DLG2: variants seen among roughly 807,000 people sequenced by gnomAD.
DLG2 encodes discs large MAGUK scaffold protein 2, also known as disks large homolog 2.
DLG2 carries 45 observed loss-of-function variants against 132.5 expected under a neutral mutation model. The observed-to-expected ratio is 0.34, with a 90% confidence interval of 0.27 to 0.44. The LOEUF is 0.44. Ranked by LOEUF, DLG2 falls within the 20% of genes least tolerant of loss-of-function variation. The pLI is 1.00. For missense variants in DLG2, 1,045 were observed against 1,196.9 expected (o/e 0.87, Z 1.87); for synonymous variants, 424 against 419.6 (o/e 1.01, Z -0.13).
intron 9 of DLG2, among the ~76,000 whole-genome samples, chr11:84,160,799 C>A (rs116712133): frequency 1.4e-4 from 21 of 152,246 alleles, no homozygotes; most frequent in African/African-American, 4.8e-4. Context: ...GGAATAGGAA[C>A]TTTCCTTCAT....
intron 3 of DLG2, among the ~76,000 whole-genome samples, chr11:85,435,324 G>C (rs952881415): frequency 1.3e-5 from 2 of 152,050 alleles, no homozygotes; most frequent in African/African-American, 4.8e-5. Flanking sequence ...TATCAGGCAA[G>C]AGAAATAAAT....
rs73513302 is a variant in DLG2, at chr11:83,787,178, G to C, written c.1723-386C>G. 5.1e-3 allele frequency among the ~76,000 whole-genome samples: 773 copies of C among 152,026 alleles called. 11 individuals carry two copies. Among genetic ancestry groups the C allele is most frequent in the African/African-American group, 0.018 (750 of 41,456 alleles). On this transcript the variant is annotated intron_variant, in intron 17 of 27. Coordinates refer to ENST00000376104, the MANE Select transcript of DLG2 (RefSeq NM_001142699.3). ...ATGTAATGTAAATAGACAAATATAT[G>C]CTAAAAGATTAAAACATTCAGATGA...
intron 6 of DLG2, among the ~76,000 whole-genome samples, chr11:84,703,408 A>C (rs2059410013): frequency 6.6e-6 from 1 of 151,524 alleles, no homozygotes. Flanking sequence ...CCATAGGATA[A>C]TGAAGATGAT....
At chr11:84,022,544 G>A (rs2095424388) in intron 11 of DLG2, among the ~76,000 whole-genome samples, 1 of 152,160 alleles carries the variant, frequency 6.6e-6, no homozygotes, top group African/African-American at 2.4e-5. Context: ...CTGCTAGCAG[G>A]AGAGGAAAAA....
At chr11:85,265,172 C>A (rs1036637284) in intron 4 of DLG2, among the ~76,000 whole-genome samples, 2 of 152,158 alleles carry the variant, frequency 1.3e-5, no homozygotes, top group Non-Finnish European at 2.9e-5. Flanking sequence ...GACAAATGCA[C>A]TATCTATATT....
At chr11:85,055,671 C>G (rs1030325998) in intron 6 of DLG2, among the ~76,000 whole-genome samples, 1 of 152,092 alleles carries the variant, frequency 6.6e-6, no homozygotes, top group Non-Finnish European at 1.5e-5. Context: ...TTATTTTTCT[C>G]AAAGCAATAG....
chr11:83,696,000 G>C (rs551198765), intron 18 of DLG2, among the ~76,000 whole-genome samples: 2 of 152,248 alleles, frequency 1.3e-5, no homozygotes, highest in East Asian at 3.9e-4. Context: ...CTGTCATGTG[G>C]GTCAGGGGAC....
At chr11:83,632,890 T>G in intron 19 of DLG2, 1 of 278,714 alleles carries the variant, frequency 3.6e-6, no homozygotes, top group African/African-American at 2.2e-5. Flanking sequence ...GTCCAAGGGT[T>G]TGGTCCACAT....
At chr11:85,283,577 G>A (rs1295134475) in intron 4 of DLG2, among the ~76,000 whole-genome samples, 7 of 150,986 alleles carry the variant, frequency 4.6e-5, no homozygotes, top group Admixed American at 6.6e-5. Context: ...TAGAAAAATA[G>A]ACAAAGAGCT....
At chr11:83,947,239 T>C (rs935198326) in intron 14 of DLG2, among the ~76,000 whole-genome samples, 1 of 25,946 alleles carries the variant, frequency 3.9e-5, no homozygotes, top group Non-Finnish European at 1.9e-4. Flanking sequence ...ACATTCTAGA[T>C]TTTTTTTTTA....
At chr11:83,953,057 A>G (rs989103290) in intron 14 of DLG2, among the ~76,000 whole-genome samples, 1 of 152,220 alleles carries the variant, frequency 6.6e-6, no homozygotes, top group African/African-American at 2.4e-5. Flanking sequence ...AGTTTGCCCC[A>G]TTATCTATAT....
intron 6 of DLG2, among the ~76,000 whole-genome samples, chr11:84,535,951 A>G (rs7940159): frequency 0.13 from 19,545 of 150,896 alleles, 1,517 homozygotes; most frequent in South Asian, 0.23. Flanking sequence ...ATTTTTTCAT[A>G]TACATATATA....
At chr11:84,266,119 C>A (rs2097628002) in intron 7 of DLG2, among the ~76,000 whole-genome samples, 1 of 152,116 alleles carries the variant, frequency 6.6e-6, no homozygotes, top group African/African-American at 2.4e-5. Context: ...GTCATCAAAA[C>A]ATTTTATAAT....
intron 7 of DLG2, among the ~76,000 whole-genome samples, chr11:84,501,501 C>T (rs753438583): frequency 1.2e-4 from 19 of 152,104 alleles, no homozygotes; most frequent in Middle Eastern, 3.4e-3. Flanking sequence ...GGAAGATGGA[C>T]GGTGGAGTGA....
chr11:84,331,133 G>A (rs1311319948), intron 7 of DLG2, among the ~76,000 whole-genome samples: 1 of 152,164 alleles, frequency 6.6e-6, no homozygotes, highest in Non-Finnish European at 1.5e-5. Context: ...CAAGCAAGAG[G>A]TTTGAATTTA....
intron 6 of DLG2, among the ~76,000 whole-genome samples, chr11:84,948,477 C>T (rs981787570): frequency 6.6e-6 from 1 of 152,216 alleles, no homozygotes; most frequent in African/African-American, 2.4e-5. Context: ...CAACTGAAAG[C>T]AGGGATTCTT....
intron 6 of DLG2, among the ~76,000 whole-genome samples, chr11:85,009,320 TATCAA>T (rs1426545876): frequency 2.0e-5 from 3 of 152,084 alleles, no homozygotes; most frequent in Non-Finnish European, 2.9e-5. Flanking sequence ...TCCAGTGAAA[TATCAA>T]ATCAAGAGCT....
At chr11:85,111,794 G>T in intron 5 of DLG2, 59 bp from the exon 6 acceptor site, 2 of 1,263,288 alleles carry the variant, frequency 1.6e-6, no homozygotes, top group Non-Finnish European at 2.2e-6. Context: ...ATGTATATAT[G>T]CTAGCTGACA....
intron 18 of DLG2, among the ~76,000 whole-genome samples, chr11:83,722,816 G>A (rs2062894935): frequency 1.3e-5 from 2 of 152,148 alleles, no homozygotes; most frequent in African/African-American, 2.4e-5. Flanking sequence ...GAAGCATCAG[G>A]GGCTGTGACA....
Sources: allele counts gnomAD v4.1 joint callset (sites outside exome capture counted in the v4.1 genomes callset), GRCh38; gene constraint gnomAD v4.1.1; transcripts MANE v1.5; gene names NCBI Gene and HGNC (gene_info 2026-07-23, HGNC 2026-07-21).